The following ENAH variants were observed in gnomAD, a reference collection of about 807,000 sequenced individuals.
ENAH encodes the protein protein enabled homolog.
A neutral mutation model predicts 78.7 loss-of-function variants in ENAH; 23 were observed. The observed-to-expected ratio is 0.29, with a 90% CI of 0.21 to 0.41. ENAH has a LOEUF of 0.41. ENAH is among the 10% of genes least tolerant of loss of function. ENAH has a pLI of 1.00. For missense variants in ENAH, 544 were observed against 691.0 expected, an observed-to-expected ratio of 0.79 and a Z score of 2.39; for synonymous variants, 226 against 241.0, an observed-to-expected ratio of 0.94 and a Z score of 0.58.
chr1:225,566,396 G>GC (rs1324574557), intron 2 of ENAH, among the ~76,000 whole-genome samples: 1 of 152,022 alleles, frequency 6.6e-6, no homozygotes, highest in African/African-American at 2.4e-5. Context: ...GGCTAATGCA[G>GC]CATCTGTTTA....
At chr1:225,585,020 T>C (rs891008998) in intron 1 of ENAH, among the ~76,000 whole-genome samples, 1 of 151,086 alleles carries the variant, frequency 6.6e-6, no homozygotes, top group Non-Finnish European at 1.5e-5. Flanking sequence ...TTCAAGACCA[T>C]CCTGGCCAAC....
At chr1:225,573,361 C>T (rs115566997) in intron 1 of ENAH, among the ~76,000 whole-genome samples, 2,111 of 152,224 alleles carry the variant, frequency 0.014, 24 homozygotes, top group Non-Finnish European at 0.022. Flanking sequence ...TATTAATTCT[C>T]TCTGTGGTTC....
chr1:225,600,704 A>T (rs1275309043), intron 1 of ENAH, among the ~76,000 whole-genome samples: 2 of 152,022 alleles, frequency 1.3e-5, no homozygotes, highest in East Asian at 1.9e-4. Context: ...CAAAAAAATT[A>T]AAAAATTAGC....
chr1:225,639,019 C>T (rs1558948216), intron 1 of ENAH, among the ~76,000 whole-genome samples: 1 of 152,184 alleles, frequency 6.6e-6, no homozygotes, highest in African/African-American at 2.4e-5. Context: ...TTCACCTTTG[C>T]CCTGTCAGTC....
chr1:225,508,116 A>G, intron 10 of ENAH, 99 bp from the exon 11 acceptor site: 1 of 615,856 alleles, frequency 1.6e-6, no homozygotes, highest in Non-Finnish European at 2.5e-6. Flanking sequence ...ACCTGTTTAC[A>G]TAGTAGTAAT....
chr1:225,511,753 G>A (rs1329708975), intron 10 of ENAH, 58 bp downstream of exon 10: 8 of 1,243,584 alleles, frequency 6.4e-6, no homozygotes, highest in Admixed American at 2.0e-5. Context: ...TTTTTAACTG[G>A]GGAGTATTAA....
intron 1 of ENAH, among the ~76,000 whole-genome samples, chr1:225,636,566 G>C (rs1660093893): frequency 1.3e-5 from 2 of 152,104 alleles, no homozygotes; most frequent in African/African-American, 4.8e-5. Flanking sequence ...AATAAAATGA[G>C]GGTGCAGTGG....
chr1:225,521,210 A>G (rs921903500), intron 4 of ENAH, among the ~76,000 whole-genome samples: 2 of 152,212 alleles, frequency 1.3e-5, no homozygotes, highest in South Asian at 4.1e-4. Context: ...CAATACTGCA[A>G]TAACATTTGT....
intron 5 of ENAH, chr1:225,517,709 G>A (rs887038019): frequency 1.3e-6 from 2 of 1,551,072 alleles, no homozygotes; most frequent in Non-Finnish European, 8.7e-7. Flanking sequence ...GAAGAAGGTC[G>A]AGAGTTTTTG....
At chr1:225,621,410 A>G (rs912839612) in intron 1 of ENAH, among the ~76,000 whole-genome samples, 4 of 149,628 alleles carry the variant, frequency 2.7e-5, no homozygotes, top group Non-Finnish European at 5.9e-5. Flanking sequence ...CTCCTGCCTC[A>G]GCCTCCCAAG....
intron 4 of ENAH, among the ~76,000 whole-genome samples, chr1:225,528,132 T>A (rs968724575): frequency 1.3e-5 from 2 of 152,204 alleles, no homozygotes; most frequent in African/African-American, 4.8e-5. Flanking sequence ...TAACTTTTTA[T>A]TAGAAATTTT....
chr1:225,497,879 T>G, intron 13 of ENAH, 67 bp from the exon 14 acceptor site: 1 of 1,437,208 alleles, frequency 7.0e-7, no homozygotes, highest in East Asian at 2.3e-5. Flanking sequence ...AGTGATTCAT[T>G]CCTAAGAAAC....
chr1:225,580,463 G>C (rs1161432703), intron 1 of ENAH, among the ~76,000 whole-genome samples: 1 of 152,070 alleles, frequency 6.6e-6, no homozygotes, highest in Non-Finnish European at 1.5e-5. Context: ...GAAAGACCCT[G>C]AGCTAGAGGA....
intron 1 of ENAH, among the ~76,000 whole-genome samples, chr1:225,607,878 G>A (rs1410963373): frequency 1.3e-5 from 2 of 152,128 alleles, no homozygotes; most frequent in African/African-American, 2.4e-5. Context: ...CCTCAGAGAG[G>A]AAGACCATGT....
At chr1:225,562,914 A>C (rs923735956) in intron 2 of ENAH, among the ~76,000 whole-genome samples, 27 of 151,770 alleles carry the variant, frequency 1.8e-4, no homozygotes, top group Admixed American at 6.6e-5. Context: ...TCAAGGCTGC[A>C]GTGAGCTATG....
At position 225,497,214 on chromosome 1, in the gene ENAH, C is replaced by T. The variant is rs2096253533; in HGVS notation, c.*561G>A. 6.6e-6 allele frequency: 1 copy of T among 152,614 alleles called. No individual in the cohort carries two copies. The highest frequency in any genetic ancestry group is 2.1e-4 in the South Asian group (1 of 4,832). The allele number at this position is 152,614 out of a possible 1,614,324, so 9.5% of individuals were successfully genotyped here. On this transcript the variant is annotated 3_prime_UTR_variant, in exon 14 of 14. Transcript: ENST00000366843. Reference sequence around the variant, plus strand: ...TTCGGACACTTTCTTATAAATATTACCCTTTGAAAGCACTTACAATTCCAT... The same window carrying T: ...TTCGGACACTTTCTTATAAATATTATCCTTTGAAAGCACTTACAATTCCAT...
intron 1 of ENAH, among the ~76,000 whole-genome samples, chr1:225,587,408 T>G (rs1186093384): frequency 6.6e-6 from 1 of 152,156 alleles, no homozygotes; most frequent in African/African-American, 2.4e-5. Flanking sequence ...AATAAAGTTT[T>G]AAAAACTGCA....
chr1:225,635,357 T>C (rs1659869556), intron 1 of ENAH, among the ~76,000 whole-genome samples: 1 of 150,238 alleles, frequency 6.7e-6, no homozygotes, highest in Non-Finnish European at 1.5e-5. Context: ...GAAACTGGTT[T>C]AATTTTTTTC....
At chr1:225,564,113 G>GT (rs548894704) in intron 2 of ENAH, among the ~76,000 whole-genome samples, 11 of 151,510 alleles carry the variant, frequency 7.3e-5, no homozygotes, top group African/African-American at 2.2e-4. Context: ...GATTCTGCAA[G>GT]TTTTTTTTGT....
Sources: allele counts gnomAD v4.1 joint callset (sites outside exome capture counted in the v4.1 genomes callset), GRCh38; gene constraint gnomAD v4.1.1; transcripts MANE v1.5; gene names NCBI Gene and HGNC (gene_info 2026-07-23, HGNC 2026-07-21).